The following LRP1B variants were observed in gnomAD, a reference collection of about 807,000 sequenced individuals.
LRP1B encodes the protein LDL receptor related protein 1B.
In LRP1B, 217 loss-of-function variants were observed where a neutral mutation model predicts 556.6. The ratio of observed to expected loss-of-function variants is 0.39; its 90% CI spans 0.35 to 0.44. LRP1B has a LOEUF of 0.44. LRP1B is among the 20% of genes least tolerant of loss of function. The pLI is 1.00. For missense variants in LRP1B, 5,053 were observed against 5,620.8 expected (o/e 0.90, Z 3.23); for synonymous variants, 2,047 against 1,865.8 (o/e 1.10, Z -2.50).
In LRP1B at chr2:141,692,257, G is replaced by T. The variant is rs187058888; in HGVS notation, c.205+118022C>A. ...TTTCAATCCTCTCAGGATAGAATAAGTATCTATATGAAGAACTGCATGATG... is the reference window on the plus strand; with the variant it reads ...TTTCAATCCTCTCAGGATAGAATAATTATCTATATGAAGAACTGCATGATG... On this transcript the variant is annotated intron_variant, in intron 2 of 90. Coordinates refer to ENST00000389484, the MANE Select transcript of LRP1B (RefSeq NM_018557.3). 6.2e-4 allele frequency among the ~76,000 whole-genome samples: 95 copies of T among 152,080 alleles called. No individual in the cohort carries two copies. The Middle Eastern group carries it at 0.02, about 33-fold the overall frequency.
intron 77 of LRP1B, among the ~76,000 whole-genome samples, chr2:140,343,004 A>ATT (rs59075508): frequency 2.0e-5 from 3 of 151,112 alleles, no homozygotes; most frequent in African/African-American, 4.9e-5. Context: ...ATTTGAAGGA[A>ATT]TTTTTTTTGT....
chr2:141,719,672 C>A (rs1381965187), intron 2 of LRP1B, among the ~76,000 whole-genome samples: 1 of 151,984 alleles, frequency 6.6e-6, no homozygotes, highest in Non-Finnish European at 1.5e-5. Flanking sequence ...TACATATACC[C>A]CATGGAATAC....
intron 66 of LRP1B, among the ~76,000 whole-genome samples, chr2:140,408,465 T>C (rs375532166): frequency 2.6e-5 from 4 of 151,966 alleles, no homozygotes; most frequent in African/African-American, 9.7e-5. Context: ...AGCTTATATG[T>C]TAATAGCTAA....
intron 7 of LRP1B, among the ~76,000 whole-genome samples, chr2:141,138,291 A>G (rs1278231345): frequency 6.6e-6 from 1 of 151,976 alleles, no homozygotes. Context: ...GGATTTTATA[A>G]AAGAAACTTA....
chr2:141,752,451 G>A (rs1383856251), intron 2 of LRP1B, among the ~76,000 whole-genome samples: 2 of 152,046 alleles, frequency 1.3e-5, no homozygotes, highest in Non-Finnish European at 2.9e-5. Context: ...CATACTCGAT[G>A]ATGCTCTTTT....
chr2:141,219,671 G>A (rs775600456), intron 6 of LRP1B, among the ~76,000 whole-genome samples: 2 of 152,110 alleles, frequency 1.3e-5, no homozygotes, highest in Non-Finnish European at 2.9e-5. Context: ...CCTCATACCA[G>A]AGTGTTTTGG....
chr2:141,078,308 T>C (rs1699841624), intron 7 of LRP1B, among the ~76,000 whole-genome samples: 1 of 152,182 alleles, frequency 6.6e-6, no homozygotes, highest in South Asian at 2.1e-4. Context: ...AGTTCATTTT[T>C]TTTTTCCTTA....
chr2:140,849,198 T>TAGA (rs1352302960), intron 29 of LRP1B, among the ~76,000 whole-genome samples: 23 of 16,930 alleles, frequency 1.4e-3, no homozygotes, highest in African/African-American at 3.1e-3. Flanking sequence ...CTACTAAAAA[T>TAGA]ACAAAAAAAA....
intron 2 of LRP1B, among the ~76,000 whole-genome samples, chr2:141,644,290 A>G (rs1302900496): frequency 2.0e-5 from 3 of 152,094 alleles, no homozygotes; most frequent in Non-Finnish European, 2.9e-5. Context: ...TGTTCTTATG[A>G]TAGTGAATAA....
chr2:141,782,576 G>T (rs1367635598), intron 2 of LRP1B, among the ~76,000 whole-genome samples: 1 of 138,194 alleles, frequency 7.2e-6, no homozygotes, highest in Admixed American at 7.5e-5. Flanking sequence ...TGTAACTGGG[G>T]TAACTAACAC....
chr2:140,500,086 C>T (rs535946217), intron 55 of LRP1B, among the ~76,000 whole-genome samples: 1 of 152,052 alleles, frequency 6.6e-6, no homozygotes, highest in Admixed American at 6.6e-5. Flanking sequence ...GATGTACTGG[C>T]TCACTTGCTT....
chr2:141,962,818 A>AT (rs1490192338), intron 1 of LRP1B, among the ~76,000 whole-genome samples: 1 of 151,808 alleles, frequency 6.6e-6, no homozygotes, highest in Non-Finnish European at 1.5e-5. Flanking sequence ...CTTACACATC[A>AT]TCTAGCCCTC....
chr2:141,779,670 C>T (rs1169269821), intron 2 of LRP1B, among the ~76,000 whole-genome samples: 2 of 152,022 alleles, frequency 1.3e-5, no homozygotes, highest in Non-Finnish European at 2.9e-5. Flanking sequence ...ATACTACATA[C>T]TTTTCATATA....
At chr2:141,084,401 T>C (rs1005177964) in intron 7 of LRP1B, among the ~76,000 whole-genome samples, 3 of 152,194 alleles carry the variant, frequency 2.0e-5, no homozygotes, top group African/African-American at 7.2e-5. Flanking sequence ...AGGAACATTA[T>C]TTAAAAGCAT....
chr2:141,892,868 A>G (rs1048610667), intron 1 of LRP1B, among the ~76,000 whole-genome samples: 2 of 152,206 alleles, frequency 1.3e-5, no homozygotes, highest in African/African-American at 4.8e-5. Flanking sequence ...TGAAATTTGC[A>G]TGTAAATTGA....
chr2:140,734,657 G>A (rs1687885478), intron 35 of LRP1B, among the ~76,000 whole-genome samples: 1 of 152,008 alleles, frequency 6.6e-6, no homozygotes, highest in South Asian at 2.1e-4. Flanking sequence ...CTAATTTTAG[G>A]GTAAATAATT....
At chr2:141,131,836 A>AT (rs142553889) in intron 7 of LRP1B, among the ~76,000 whole-genome samples, 5,733 of 150,972 alleles carry the variant, frequency 0.038, 237 homozygotes, top group African/African-American at 0.1. Context: ...CCCAAACAGC[A>AT]TTTTTTTTTA....
chr2:142,112,454 G>A (rs916833062), intron 1 of LRP1B, among the ~76,000 whole-genome samples: 1 of 152,016 alleles, frequency 6.6e-6, no homozygotes. Context: ...AGCCATAAAA[G>A]ATAGAGAAAA....
At chr2:141,659,540 C>T (rs569422391) in intron 2 of LRP1B, among the ~76,000 whole-genome samples, 27 of 152,026 alleles carry the variant, frequency 1.8e-4, no homozygotes, top group Admixed American at 6.6e-4. Flanking sequence ...TATGACCAAG[C>T]AGATGATACT....
Sources: gnomAD v4.1 joint callset for allele counts (sites outside exome capture counted in the v4.1 genomes callset) on GRCh38, gnomAD v4.1.1 for gene constraint, MANE v1.5 for transcripts, NCBI Gene and HGNC (gene_info 2026-07-23, HGNC 2026-07-21) for gene names.